Variants in UPRT observed in about 807,000 individuals in gnomAD.
UPRT encodes RP11-311P8.3.
UPRT carries 5 observed loss-of-function variants against 22.6 expected under a neutral mutation model. That is an observed-to-expected ratio of 0.22 (90% CI 0.12 to 0.47). UPRT has a LOEUF of 0.47. Among genes scored for constraint, UPRT ranks in the 20% least tolerant of loss-of-function variants. The pLI is 0.99. For synonymous variants in UPRT, 77 were observed against 87.7 expected (o/e 0.88, Z 0.68); for missense variants, 181 against 239.9 (o/e 0.75, Z 1.62).
At chrX:75,264,627 T>C (rs956917456) in intron 4 of UPRT, among the ~76,000 whole-genome samples, 2 of 109,399 alleles carry the variant, frequency 1.8e-5, no homozygotes, top group African/African-American at 6.6e-5. Context: ...CACTGATGGG[T>C]CTTGACTCTT....
At chrX:75,172,743 A>G in intron 4 of UPRT, among the ~76,000 whole-genome samples, 1 of 108,404 alleles carries the variant, frequency 9.2e-6, no homozygotes, top group Non-Finnish European at 1.9e-5. Flanking sequence ...TGAGTGTAAC[A>G]GCTCTTAAGG....
intron 4 of UPRT, among the ~76,000 whole-genome samples, chrX:75,181,182 C>T (rs1003931908): frequency 9.1e-6 from 1 of 110,326 alleles, no homozygotes. Flanking sequence ...AGCATTATTT[C>T]TGGGCTTTCT....
chrX:75,192,374 T>A lies in UPRT; in HGVS notation c.-447+24495T>A, dbSNP rs921631907. On this transcript the variant is annotated intron_variant, in intron 4 of 13. Transcript: ENST00000652605. ...TTTAATTTGCTGAGGATTGTTTTAT[T>A]CCTAACTGTATTGTCTATTTTAGAG... Among the ~76,000 whole-genome samples, 5 of 111,636 alleles carry A rather than the reference T, an allele frequency of 4.5e-5. No individual in the cohort carries two copies. The Admixed American group carries it at 4.8e-4, about 11-fold the overall frequency.
chrX:75,160,919 C>T (rs763090915), intron 2 of UPRT, among the ~76,000 whole-genome samples: 2 of 111,399 alleles, frequency 1.8e-5, no homozygotes, highest in Admixed American at 9.5e-5. Context: ...TATGTACTTG[C>T]GTTGATACTG....
chrX:75,245,556 A>G (rs2082502293), intron 4 of UPRT, among the ~76,000 whole-genome samples: 1 of 112,366 alleles, frequency 8.9e-6, no homozygotes, highest in African/African-American at 3.2e-5. Context: ...GTCCATCAAC[A>G]GTAGACTGGA....
chrX:75,261,999 G>C (rs1474536884), intron 4 of UPRT, among the ~76,000 whole-genome samples: 1 of 111,324 alleles, frequency 9.0e-6, no homozygotes, highest in African/African-American at 3.3e-5. Context: ...CACCAAGGTT[G>C]AAATGAAGGA....
At chrX:75,246,243 A>T (rs2082505655) in intron 4 of UPRT, among the ~76,000 whole-genome samples, 1 of 88,256 alleles carries the variant, frequency 1.1e-5, no homozygotes, top group Non-Finnish European at 2.2e-5. Flanking sequence ...TCCTAAAGCT[A>T]TCCCTCCCCC....
chrX:75,197,003 A>G (rs1259428764), intron 4 of UPRT, among the ~76,000 whole-genome samples: 1 of 111,476 alleles, frequency 9.0e-6, no homozygotes, highest in African/African-American at 3.3e-5. Flanking sequence ...GGGATGAGAG[A>G]AAAAGTGAAG....
chrX:75,188,768 T>C (rs1344019659), intron 4 of UPRT, among the ~76,000 whole-genome samples: 5 of 112,242 alleles, frequency 4.5e-5, no homozygotes, highest in African/African-American at 1.6e-4. Context: ...AGTATTCAGG[T>C]GGGAGTGACC....
intron 4 of UPRT, among the ~76,000 whole-genome samples, chrX:75,247,772 C>T (rs1269703836): frequency 8.9e-6 from 1 of 112,247 alleles, no homozygotes; most frequent in East Asian, 2.8e-4. Flanking sequence ...GGCAGACTAC[C>T]TCCTCAAGTG....
chrX:75,250,741 T>G lies in UPRT; in HGVS notation c.-446-40283T>G, dbSNP rs868539010. On this transcript the variant is annotated intron_variant, in intron 4 of 13. Coordinates refer to the UPRT transcript ENST00000652605. ...CCAGCATCATCCTGATACCAAAGCCTGGCAGAGACACAACAAAAAAAGAGA... is the reference window on the plus strand; with the variant it reads ...CCAGCATCATCCTGATACCAAAGCCGGGCAGAGACACAACAAAAAAAGAGA... Among the ~76,000 whole-genome samples, 132 of 111,348 alleles carry G rather than the reference T, an allele frequency of 1.2e-3. No individual in the cohort carries two copies. In the Middle Eastern group the frequency reaches 0.014, roughly 12 times the overall value.
chrX:75,260,064 T>G (rs1399257876), intron 4 of UPRT, among the ~76,000 whole-genome samples: 6 of 111,740 alleles, frequency 5.4e-5, no homozygotes, highest in Non-Finnish European at 1.1e-4. Context: ...GCTGAGAGAT[T>G]TTATCACCAC....
At chrX:75,253,736 T>G (rs898004469) in intron 4 of UPRT, among the ~76,000 whole-genome samples, 11 of 111,934 alleles carry the variant, frequency 9.8e-5, no homozygotes, top group Middle Eastern at 4.6e-3. Flanking sequence ...ACAATGCAAA[T>G]ACTTTGAGTG....
intron 4 of UPRT, among the ~76,000 whole-genome samples, chrX:75,225,993 C>T (rs1374915575): frequency 9.0e-6 from 1 of 111,408 alleles, no homozygotes; most frequent in Non-Finnish European, 1.9e-5. Context: ...TTGATCTATA[C>T]CTCACCCTAA....
At chrX:75,236,643 T>C (rs1351596878) in intron 4 of UPRT, among the ~76,000 whole-genome samples, 1 of 111,847 alleles carries the variant, frequency 8.9e-6, no homozygotes, top group Admixed American at 9.5e-5. Flanking sequence ...GAAATAATGC[T>C]GCATATCTAC....
chrX:75,168,551 G>A (rs895714228), intron 4 of UPRT, among the ~76,000 whole-genome samples: 25 of 110,669 alleles, frequency 2.3e-4, no homozygotes, highest in African/African-American at 7.6e-4. Context: ...TTTTTGAGAC[G>A]GAGTTTCGCT....
chrX:75,289,941 A>G (rs2082699582), intron 1 of UPRT, among the ~76,000 whole-genome samples: 1 of 111,889 alleles, frequency 8.9e-6, no homozygotes, highest in Admixed American at 9.5e-5. Flanking sequence ...AAAAACAAAA[A>G]TTGACAAGTG....
intron 4 of UPRT, among the ~76,000 whole-genome samples, chrX:75,226,155 C>T (rs898236200): frequency 1.8e-5 from 2 of 111,216 alleles, no homozygotes; most frequent in African/African-American, 6.5e-5. Flanking sequence ...ATGCAATCTA[C>T]CAGCAAAATT....
intron 4 of UPRT, among the ~76,000 whole-genome samples, chrX:75,239,273 G>T (rs997486432): frequency 1.8e-5 from 2 of 111,664 alleles, no homozygotes; most frequent in Admixed American, 1.9e-4. Flanking sequence ...TAAAATGGGA[G>T]ATATTACATC....
Sources: allele counts gnomAD v4.1 joint callset (sites outside exome capture counted in the v4.1 genomes callset), GRCh38; gene constraint gnomAD v4.1.1; transcripts MANE v1.5; gene names NCBI Gene and HGNC (gene_info 2026-07-23, HGNC 2026-07-21).